The following ANO4 variants were observed in gnomAD, a reference collection of about 807,000 sequenced individuals.
ANO4 encodes the protein anoctamin-4.
Under a neutral mutation model 141.9 loss-of-function variants are expected in ANO4, and 69 were observed. The ratio of observed to expected loss-of-function variants is 0.49; its 90% CI spans 0.40 to 0.59. The LOEUF (loss-of-function observed/expected upper bound fraction) is 0.59. Among genes scored for constraint, ANO4 ranks in the 20% least tolerant of loss-of-function variants. The probability of loss-of-function intolerance (pLI) is 0.00; values close to 1 mark genes in which losing one functional copy is unlikely to be tolerated. For missense variants in ANO4, 894 were observed against 1,162.2 expected (o/e 0.77, Z 3.36); for synonymous variants, 350 against 394.3 (o/e 0.89, Z 1.33).
intron 17 of ANO4, among the ~76,000 whole-genome samples, chr12:101,091,841 AT>A (rs2136927281): frequency 6.6e-6 from 1 of 152,142 alleles, no homozygotes; most frequent in Non-Finnish European, 1.5e-5. Context: ...TAACTAAAAT[AT>A]TTTTATATAG....
At chr12:101,013,716 A>G (rs1459924565) in intron 8 of ANO4, among the ~76,000 whole-genome samples, 2 of 152,236 alleles carry the variant, frequency 1.3e-5, no homozygotes, top group East Asian at 3.9e-4. Flanking sequence ...TACTAGTCAC[A>G]GTTCAAGTGC....
At chr12:100,990,478 T>G (rs2045042691) in intron 8 of ANO4, among the ~76,000 whole-genome samples, 1 of 152,194 alleles carries the variant, frequency 6.6e-6, no homozygotes, top group Non-Finnish European at 1.5e-5. Flanking sequence ...ATTAGGGATA[T>G]TTAGCCAACT....
intron 5 of ANO4, among the ~76,000 whole-genome samples, chr12:100,955,038 G>A (rs1042853516): frequency 2.6e-5 from 4 of 152,162 alleles, no homozygotes; most frequent in Non-Finnish European, 5.9e-5. Flanking sequence ...TCCCTTTGTC[G>A]TGTCCAGCCC....
Position 101,043,610 on chromosome 12 carries a change from T to C in ANO4, c.1226T>C (p.Leu409Pro), listed in dbSNP as rs2047502667. Residue 409 changes from leucine to proline, a missense_variant, in exon 13 of 28, where the codon CTG (leucine) becomes CCG (proline). By Grantham distance (98) the Leu-to-Pro change is moderately conservative. This residue lies in a region of ANO4 where 637 missense variants were observed against 909.2 expected (regional missense o/e 0.70). Coordinates refer to ENST00000392977, the MANE Select transcript of ANO4 (RefSeq NM_001286615.2). ...GATAAATACTGTCCATTCATGAGGC[T>C]GTCAGACAGCTGTGTATATGCCAAG... ...VCDKYCPFMR[L>P]SDSCVYAKVT... 1 of 1,613,178 alleles carries C rather than the reference T, an allele frequency of 6.2e-7. No individual in the cohort carries two copies. The highest frequency in any genetic ancestry group is 8.5e-7 in the Non-Finnish European group (1 of 1,179,402).
At chr12:100,779,159 C>G (rs1162806629) in intron 3 of ANO4, among the ~76,000 whole-genome samples, 4 of 152,154 alleles carry the variant, frequency 2.6e-5, no homozygotes, top group Non-Finnish European at 5.9e-5. Context: ...TGCAGTAGAT[C>G]TGAGGTGGGG....
At chr12:100,828,438 G>A (rs760897243) in intron 1 of ANO4, among the ~76,000 whole-genome samples, 6 of 151,962 alleles carry the variant, frequency 3.9e-5, no homozygotes, top group South Asian at 2.1e-4. Context: ...GCTAAAAAGC[G>A]TAAAAGTCTT....
chr12:100,842,853 C>T (rs1167430599), intron 1 of ANO4, among the ~76,000 whole-genome samples: 1 of 152,088 alleles, frequency 6.6e-6, no homozygotes, highest in African/African-American at 2.4e-5. Context: ...CTAAAGGCCC[C>T]ACCTCTTAAT....
At chr12:100,971,464 TCTC>T in intron 6 of ANO4, 58 bp downstream of exon 6, 1 of 1,228,340 alleles carries the variant, frequency 8.1e-7, no homozygotes, top group South Asian at 1.4e-5. Context: ...AATCTAATGT[TCTC>T]CTCTCTCAGA....
At chr12:100,755,320 A>T (rs1315075337) in intron 3 of ANO4, among the ~76,000 whole-genome samples, 1 of 152,054 alleles carries the variant, frequency 6.6e-6, no homozygotes, top group Non-Finnish European at 1.5e-5. Context: ...TCTGGTTCAG[A>T]TGCCGATTCC....
chr12:100,854,338 G>A (rs1411692986), intron 1 of ANO4, among the ~76,000 whole-genome samples: 1 of 151,938 alleles, frequency 6.6e-6, no homozygotes, highest in Non-Finnish European at 1.5e-5. Flanking sequence ...TCTTTTCTTT[G>A]GAAGAGTGCA....
At chr12:100,834,801 A>G (rs1350335296) in intron 1 of ANO4, among the ~76,000 whole-genome samples, 1 of 152,110 alleles carries the variant, frequency 6.6e-6, no homozygotes, top group South Asian at 2.1e-4. Flanking sequence ...TAAGGAGGGG[A>G]CATTTGAACA....
intron 1 of ANO4, among the ~76,000 whole-genome samples, chr12:100,797,128 G>A (rs2034375807): frequency 7.5e-6 from 1 of 132,580 alleles, no homozygotes; most frequent in Non-Finnish European, 1.7e-5. Flanking sequence ...ATATATGTGT[G>A]TGTATATATA....
chr12:100,854,064 G>A (rs2038032900), intron 1 of ANO4, among the ~76,000 whole-genome samples: 1 of 152,128 alleles, frequency 6.6e-6, no homozygotes, highest in Admixed American at 6.5e-5. Flanking sequence ...TTTATGGACA[G>A]TTCTGAGTGA....
intron 1 of ANO4, among the ~76,000 whole-genome samples, chr12:100,804,875 A>G (rs967718584): frequency 6.6e-6 from 1 of 152,088 alleles, no homozygotes; most frequent in African/African-American, 2.4e-5. Flanking sequence ...GGATAGATTG[A>G]AAAAATTTTC....
At chr12:100,917,170 T>A (rs896236706) in intron 2 of ANO4, among the ~76,000 whole-genome samples, 3 of 152,172 alleles carry the variant, frequency 2.0e-5, no homozygotes, top group Admixed American at 6.6e-5. Context: ...ATCACATGGA[T>A]TTTGTAGCTA....
intron 1 of ANO4, among the ~76,000 whole-genome samples, chr12:100,835,019 A>T (rs754184893): frequency 5.3e-5 from 8 of 152,178 alleles, no homozygotes; most frequent in Admixed American, 2.0e-4. Context: ...CCAGACTACC[A>T]TAGATGCGAC....
intron 1 of ANO4, among the ~76,000 whole-genome samples, chr12:100,842,414 T>A (rs1209271961): frequency 6.6e-6 from 1 of 150,666 alleles, no homozygotes; most frequent in African/African-American, 2.4e-5. Flanking sequence ...TATGTGTATG[T>A]GTGTGTGTGT....
At chr12:101,045,980 C>T (rs1350265284) in intron 13 of ANO4, among the ~76,000 whole-genome samples, 1 of 152,142 alleles carries the variant, frequency 6.6e-6, no homozygotes, top group Non-Finnish European at 1.5e-5. Flanking sequence ...CCATATATTT[C>T]ATTATTTTGG....
Position 100,902,227 on chromosome 12 carries a change from A to G in ANO4, c.55+387A>G, listed in dbSNP as rs1178265452. 2.0e-5 allele frequency among the ~76,000 whole-genome samples: 3 copies of G among 152,244 alleles called. No individual in the cohort carries two copies. The East Asian group carries it at 5.8e-4, about 29-fold the overall frequency. ...CAAGCCAAAAAACACCCACTTTGAA[A>G]CCTAGGTTATCTGTGTTGGCTTGCC... On this transcript the variant is annotated intron_variant, in intron 2 of 27. Transcript: ENST00000392977.
Sources: gnomAD v4.1 joint callset for allele counts (sites outside exome capture counted in the v4.1 genomes callset) on GRCh38, gnomAD v4.1.1 for gene constraint, gnomAD v4.1.1 regional missense constraint, MANE v1.5 for transcripts, NCBI Gene and HGNC (gene_info 2026-07-23, HGNC 2026-07-21) for gene names.